Variants in BAZ1A observed in about 807,000 individuals in gnomAD.
BAZ1A encodes bromodomain adjacent to zinc finger domain protein 1A.
In BAZ1A, 50 loss-of-function variants were observed where a neutral mutation model predicts 185.2. The ratio of observed to expected loss-of-function variants is 0.27; its 90% CI spans 0.22 to 0.34. The LOEUF (loss-of-function observed/expected upper bound fraction) is 0.34. Among genes scored for constraint, BAZ1A ranks in the 10% least tolerant of loss-of-function variants. The probability of loss-of-function intolerance (pLI) is 1.00; values close to 1 mark genes in which losing one functional copy is unlikely to be tolerated. For synonymous variants in BAZ1A, 571 were observed against 615.6 expected, an observed-to-expected ratio of 0.93 and a Z score of 1.07; for missense variants, 1,356 against 1,839.9, an observed-to-expected ratio of 0.74 and a Z score of 4.81.
chr14:34,757,397 G>C (rs1174464710), intron 25 of BAZ1A, among the ~76,000 whole-genome samples: 2 of 145,504 alleles, frequency 1.4e-5, no homozygotes, highest in African/African-American at 5.1e-5. Flanking sequence ...GGGTGCAGTG[G>C]CCCGTGCCTG....
At chr14:34,841,504 C>T (rs1404498460) in intron 3 of BAZ1A, among the ~76,000 whole-genome samples, 2 of 152,164 alleles carry the variant, frequency 1.3e-5, no homozygotes, top group Admixed American at 1.3e-4. Flanking sequence ...CGATTCCCAC[C>T]TCAGCCTCTC....
intron 24 of BAZ1A, 44 bp downstream of exon 24, chr14:34,761,713 T>C (rs1886527536): frequency 6.7e-7 from 1 of 1,490,400 alleles, no homozygotes. Context: ...ATTTCCAAAT[T>C]ATTCAATTTT....
intron 12 of BAZ1A, chr14:34,786,444 A>G (rs909188244): frequency 1.6e-5 from 7 of 439,756 alleles, no homozygotes; most frequent in Non-Finnish European, 2.8e-5. Flanking sequence ...AATTAACAGA[A>G]AAGACAATTT....
chr14:34,795,629 T>C, intron 10 of BAZ1A, 41 bp downstream of exon 10: 1 of 1,390,848 alleles, frequency 7.2e-7, no homozygotes, highest in Non-Finnish European at 9.8e-7. Flanking sequence ...ATAGGACATG[T>C]AAAACCTATG....
chr14:34,789,750 G>T (rs565480631), intron 12 of BAZ1A, among the ~76,000 whole-genome samples: 7 of 152,142 alleles, frequency 4.6e-5, no homozygotes, highest in Non-Finnish European at 1.0e-4. Context: ...AAAACAGGGA[G>T]ACCAAGGGCC....
intron 3 of BAZ1A, among the ~76,000 whole-genome samples, chr14:34,830,606 G>A (rs891824004): frequency 1.3e-5 from 2 of 151,836 alleles, no homozygotes; most frequent in African/African-American, 2.4e-5. Context: ...TTTTGAAAAT[G>A]TTATAAAATT....
At chr14:34,817,949 A>T (rs1308391502) in intron 4 of BAZ1A, among the ~76,000 whole-genome samples, 4 of 152,214 alleles carry the variant, frequency 2.6e-5, no homozygotes, top group Admixed American at 1.3e-4. Context: ...CAAAAAGTTA[A>T]GCATAGATTA....
chr14:34,839,212 C>T (rs887271978), intron 3 of BAZ1A, among the ~76,000 whole-genome samples: 2 of 152,102 alleles, frequency 1.3e-5, no homozygotes, highest in African/African-American at 2.4e-5. Context: ...CATAGAAACG[C>T]TGTGTGTCCT....
intron 6 of BAZ1A, among the ~76,000 whole-genome samples, chr14:34,804,766 G>T (rs531656334): frequency 6.6e-6 from 1 of 152,148 alleles, no homozygotes; most frequent in Admixed American, 6.5e-5. Context: ...ACTCATAAAG[G>T]CCAAAATACG....
At position 34,794,906 on chromosome 14, in the gene BAZ1A, T is replaced by A; in HGVS notation, c.1225-19A>T. 1 of 1,605,088 alleles carries A rather than the reference T, an allele frequency of 6.2e-7. No individual in the cohort carries two copies. Among genetic ancestry groups the A allele is most frequent in the Non-Finnish European group, 8.5e-7 (1 of 1,177,664 alleles). ...GAAGTTCCTGAAATATTGAACAATT[T>A]ATATAACTATTTGAACCAAGAGCAG... is the stretch of plus-strand genomic sequence containing the variant. On this transcript the variant is annotated intron_variant, in intron 10 of 26. Transcript: ENST00000360310.
intron 3 of BAZ1A, among the ~76,000 whole-genome samples, chr14:34,830,184 T>C (rs543596414): frequency 5.8e-4 from 89 of 152,226 alleles, no homozygotes; most frequent in African/African-American, 2.1e-3. Context: ...CACAAACTTG[T>C]ACATAAATGT....
chr14:34,852,476 G>T (rs977907261), intron 3 of BAZ1A, among the ~76,000 whole-genome samples: 1 of 152,068 alleles, frequency 6.6e-6, no homozygotes, highest in African/African-American at 2.4e-5. Flanking sequence ...AATTAGCTGG[G>T]CATGGTGGCA....
intron 3 of BAZ1A, among the ~76,000 whole-genome samples, chr14:34,856,322 T>G (rs1260792062): frequency 1.6e-5 from 2 of 121,538 alleles, no homozygotes; most frequent in African/African-American, 6.0e-5. Context: ...CAGATCTTAC[T>G]GTCACCTAGG....
chr14:34,764,284 CT>C (rs1323706661), intron 23 of BAZ1A, among the ~76,000 whole-genome samples: 1 of 120,216 alleles, frequency 8.3e-6, no homozygotes, highest in Non-Finnish European at 1.7e-5. Context: ...TTTCTTTTTT[CT>C]TTTCTTTTTT....
chr14:34,831,875 G>T (rs113730565), intron 3 of BAZ1A, among the ~76,000 whole-genome samples: 1 of 151,976 alleles, frequency 6.6e-6, no homozygotes. Context: ...GAATATTATC[G>T]CTGATTTTAC....
intron 4 of BAZ1A, among the ~76,000 whole-genome samples, chr14:34,813,348 C>T (rs143482414): frequency 4.6e-5 from 7 of 152,190 alleles, no homozygotes; most frequent in East Asian, 3.9e-4. Context: ...GTGATTGTGT[C>T]GCTGCACTCC....
chr14:34,815,155 C>T (rs559152756), intron 4 of BAZ1A, among the ~76,000 whole-genome samples: 3 of 152,144 alleles, frequency 2.0e-5, no homozygotes, highest in African/African-American at 7.2e-5. Context: ...CTTTTCTTGC[C>T]GTACCATGAA....
At chr14:34,832,222 A>ATATATATG (rs757775495) in intron 3 of BAZ1A, among the ~76,000 whole-genome samples, 2,676 of 142,528 alleles carry the variant, frequency 0.019, 142 homozygotes, top group East Asian at 0.032. Context: ...ACACATATAT[A>ATATATATG]TATATATATG....
In BAZ1A at chr14:34,764,789, C is replaced by T. The variant is rs148410301; in HGVS notation, c.3694G>A (p.Asp1232Asn). Reference sequence around the variant, plus strand: ...TCCTCACTTTGACCTTCTTCTTCATCGCCATCAACTTCATCATCCTCACCT... The same window carrying T: ...TCCTCACTTTGACCTTCTTCTTCATTGCCATCAACTTCATCATCCTCACCT... ...MGGEDDEVDG[D>N]EEEGQSEEEE... The change falls in exon 23 of 27, where the codon GAT becomes AAT. Residue 1232 changes from aspartate to asparagine, a missense_variant. By Grantham distance (23) the Asp-to-Asn change is conservative. Coordinates refer to ENST00000360310, the MANE Select transcript of BAZ1A (RefSeq NM_013448.3). 302 of 1,610,904 alleles carry T rather than the reference C, an allele frequency of 1.9e-4. 2 individuals carry two copies. In the African/African-American group the frequency reaches 3.7e-3, roughly 20 times the overall value.
Sources: allele counts gnomAD v4.1 joint callset (sites outside exome capture counted in the v4.1 genomes callset), GRCh38; gene constraint gnomAD v4.1.1; transcripts MANE v1.5; gene names NCBI Gene and HGNC (gene_info 2026-07-23, HGNC 2026-07-21).